The following DNA2 variants were observed in gnomAD, a reference collection of about 807,000 sequenced individuals.
DNA2 encodes the protein DNA replication helicase/nuclease 2, also known as DNA replication ATP-dependent helicase/nuclease DNA2.
DNA2 carries 101 observed loss-of-function variants against 119.1 expected under a neutral mutation model. The ratio of observed to expected loss-of-function variants is 0.85; its 90% CI spans 0.72 to 1.00. The LOEUF is 1.00. Ranked by LOEUF, DNA2 falls within the 50% of genes least tolerant of loss-of-function variation. The pLI, the probability that DNA2 is intolerant of heterozygous loss-of-function variation, is 0.00. For synonymous variants in DNA2, 366 were observed against 424.4 expected, an observed-to-expected ratio of 0.86 and a Z score of 1.69; for missense variants, 1,121 against 1,255.5, an observed-to-expected ratio of 0.89 and a Z score of 1.62.
chr10:68,416,570 G>A, intron 20 of DNA2, 139 bp downstream of exon 20: 1 of 761,656 alleles, frequency 1.3e-6, no homozygotes, highest in Non-Finnish European at 2.2e-6. Context: ...CACTTTGGGA[G>A]GCCTACACAG....
intron 19 of DNA2, among the ~76,000 whole-genome samples, chr10:68,418,418 A>T (rs2051620107): frequency 1.3e-5 from 2 of 151,930 alleles, no homozygotes; most frequent in Admixed American, 1.3e-4. Context: ...TCTCAAAAAA[A>T]AAAAAAAAAA....
intron 13 of DNA2, among the ~76,000 whole-genome samples, chr10:68,431,234 GA>G (rs2051816821): frequency 7.1e-6 from 1 of 141,074 alleles, no homozygotes; most frequent in African/African-American, 2.7e-5. Context: ...AAAAAGAAAA[GA>G]AAAAAAGAAA....
At chr10:68,463,372 A>C (rs1170676744) in intron 4 of DNA2, among the ~76,000 whole-genome samples, 1 of 144,922 alleles carries the variant, frequency 6.9e-6, no homozygotes, top group African/African-American at 2.6e-5. Context: ...TGAACCCAGG[A>C]GGCGGAGCTT....
chr10:68,461,933 T>C (rs900200344), intron 4 of DNA2, among the ~76,000 whole-genome samples: 1 of 150,334 alleles, frequency 6.7e-6, no homozygotes. Context: ...GAGAGACACC[T>C]TACCTCAAAA....
chr10:68,415,325 G>A (rs1356828531), intron 20 of DNA2, among the ~76,000 whole-genome samples: 3 of 149,420 alleles, frequency 2.0e-5, no homozygotes, highest in East Asian at 3.9e-4. Flanking sequence ...TACCCAGGCT[G>A]GAGTGCAATG....
At chr10:68,472,502 A>G (rs2052395066), upstream of DNA2, among the ~76,000 whole-genome samples, 1 of 152,172 alleles carries the variant, frequency 6.6e-6, no homozygotes, top group Non-Finnish European at 1.5e-5. Context: ...CGGAAGGCTG[A>G]GGCGGGAGGA....
intron 19 of DNA2, among the ~76,000 whole-genome samples, chr10:68,418,084 G>A (rs2051615172): frequency 6.6e-6 from 1 of 152,146 alleles, no homozygotes; most frequent in Non-Finnish European, 1.5e-5. Context: ...ACAACACTGT[G>A]AATGCACTCA....
intron 5 of DNA2, among the ~76,000 whole-genome samples, chr10:68,458,885 A>G (rs1186877969): frequency 6.6e-6 from 1 of 152,170 alleles, no homozygotes; most frequent in African/African-American, 2.4e-5. Flanking sequence ...ACATATCTAC[A>G]TATAGAAAAT....
At chr10:68,431,324 C>A (rs1381192369) in intron 13 of DNA2, among the ~76,000 whole-genome samples, 2 of 151,106 alleles carry the variant, frequency 1.3e-5, no homozygotes, top group East Asian at 3.9e-4. Context: ...CTCTTGTTGT[C>A]CAGATTGGAA....
chr10:68,451,236 CCA>C (rs1392376399), intron 5 of DNA2, among the ~76,000 whole-genome samples: 1 of 152,080 alleles, frequency 6.6e-6, no homozygotes. Flanking sequence ...TCCAAGTGTT[CCA>C]TTTTCTTTAC....
intron 8 of DNA2, among the ~76,000 whole-genome samples, 197 bp from the exon 9 acceptor site, chr10:68,443,308 C>T (rs547894021): frequency 1.3e-5 from 2 of 152,144 alleles, no homozygotes; most frequent in Non-Finnish European, 2.9e-5. Flanking sequence ...AAACTCAATA[C>T]TGCATTATTT....
At position 68,430,647 on chromosome 10, in the gene DNA2, T is replaced by A. The variant is rs201370052; in HGVS notation, c.1997A>T (p.Tyr666Phe). The change falls in exon 14 of 21, where the codon TAC becomes TTC. Residue 666 changes from tyrosine to phenylalanine, a missense_variant. Tyr to Phe is a conservative substitution (Grantham distance 22). Transcript: ENST00000358410. ...CAACAAAACGCTAAAACCACAGGCG[T>A]AGAGAATTCTTACCTAATAATGGGT... ...TTICTLVRILYACGFSVLLTS... is the reference protein window; with the variant it reads ...TTICTLVRILFACGFSVLLTS... 2.4e-4 allele frequency: 381 copies of A among 1,586,704 alleles called. No homozygotes were observed. Among genetic ancestry groups the A allele is most frequent in the Admixed American group, 3.8e-4 (21 of 54,574 alleles).
chr10:68,472,390 G>T (rs2052393695), upstream of DNA2, among the ~76,000 whole-genome samples: 1 of 152,108 alleles, frequency 6.6e-6, no homozygotes. Flanking sequence ...AACTTATTGA[G>T]AAAATAGAAA....
chr10:68,444,870 A>T, intron 8 of DNA2, 51 bp downstream of exon 8: 1 of 1,429,944 alleles, frequency 7.0e-7, no homozygotes, highest in Non-Finnish European at 9.8e-7. Context: ...AAACGTATTT[A>T]GTTGAGTTCA....
In DNA2 at chr10:68,416,953, A is replaced by C. The variant is rs77141214; in HGVS notation, c.2968-98T>G. On this transcript the variant is annotated intron_variant, in intron 19 of 20. Transcript: ENST00000358410. ...AATGGACACCTGTGCAAATTTAAGA[A>C]TAGAATGAGGCCAGGTGTAGTGGCT... 505 of 1,092,666 alleles carry C rather than the reference A, an allele frequency of 4.6e-4. 3 individuals are homozygous for C. In the African/African-American group the frequency reaches 5.0e-3, roughly 11 times the overall value. 67.7% of individuals were successfully genotyped at this position (1,092,666 alleles called of 1,614,324 possible).
Position 68,471,872 on chromosome 10 carries a change from G to A in DNA2, c.-8C>T. On this transcript the variant is annotated 5_prime_UTR_variant, in exon 1 of 21. Coordinates refer to ENST00000358410, the MANE Select transcript of DNA2 (RefSeq NM_001080449.3). ...TTCGTTCAGCTGCTCCATCCTGGAC[G>A]CGGGGATCGCAAACTGTAGACAGAA... 3 of 1,613,970 alleles carry A rather than the reference G, an allele frequency of 1.9e-6. No individual in the cohort carries two copies. The highest frequency in any genetic ancestry group is 2.7e-5 in the African/African-American group (2 of 75,074).
chr10:68,441,346 A>T (rs1319076169), intron 9 of DNA2, among the ~76,000 whole-genome samples: 2 of 151,866 alleles, frequency 1.3e-5, no homozygotes, highest in African/African-American at 4.8e-5. Context: ...AAAAAAAAAA[A>T]AAAAAAAAAG....
chr10:68,470,735 T>A, intron 1 of DNA2: 1 of 318,514 alleles, frequency 3.1e-6, no homozygotes, highest in Non-Finnish European at 6.2e-6. Flanking sequence ...ATCCTTTTTG[T>A]AAATATGAGA....
intron 3 of DNA2, among the ~76,000 whole-genome samples, chr10:68,466,081 C>G (rs1480402945): frequency 6.6e-6 from 1 of 151,624 alleles, no homozygotes; most frequent in African/African-American, 2.4e-5. Context: ...AGCACAGTGG[C>G]ACAATCTCAG....
Sources: gnomAD v4.1 joint callset for allele counts (sites outside exome capture counted in the v4.1 genomes callset) on GRCh38, gnomAD v4.1.1 for gene constraint, MANE v1.5 for transcripts, NCBI Gene and HGNC (gene_info 2026-07-23, HGNC 2026-07-21) for gene names.